The following DNAJC24 variants were observed in gnomAD, a reference collection of about 807,000 sequenced individuals.
The protein encoded by DNAJC24 is dnaJ homolog subfamily C member 24.
Under a neutral mutation model 18.0 loss-of-function variants are expected in DNAJC24, and 17 were observed. That is an observed-to-expected ratio of 0.94 (90% CI 0.65 to 1.42). DNAJC24 has a LOEUF of 1.42. Among genes scored for constraint, DNAJC24 ranks in the 40% most tolerant of loss-of-function variants. DNAJC24 has a pLI of 0.00. For synonymous variants in DNAJC24, 55 were observed against 57.7 expected (o/e 0.95, Z 0.21); for missense variants, 158 against 175.6 (o/e 0.90, Z 0.57).
intron 4 of DNAJC24, 169 bp downstream of exon 4, chr11:31,426,524 T>C (rs981475909): frequency 1.2e-4 from 61 of 491,102 alleles, no homozygotes; most frequent in South Asian, 2.6e-4. Flanking sequence ...TTCTAAACTT[T>C]ATTTATTGAC....
In DNAJC24 at chr11:31,430,344, T is replaced by G; in HGVS notation, c.393T>G (p.Val131=). 1 of 1,611,198 alleles carries G rather than the reference T, an allele frequency of 6.2e-7. No homozygotes were observed. The highest frequency in any genetic ancestry group is 8.5e-7 in the Non-Finnish European group (1 of 1,177,942). The change falls in exon 5 of 5, where the codon GTT becomes GTG. Residue 131 remains valine (V), a synonymous_variant. Coordinates refer to ENST00000465995, the MANE Select transcript of DNAJC24 (RefSeq NM_181706.5). ...YSVSKDEAEE[V]SLISCDTCSL... is the part of the protein sequence containing the mutation. ...TTTCCAAGGATGAAGCGGAAGAAGT[T>G]AGCCTGATTTCTTGTGATACATGTT... is the stretch of plus-strand genomic sequence containing the variant.
In DNAJC24 at chr11:31,432,670, C is replaced by T; in HGVS notation, c.*2269C>T. The T allele has an allele frequency of 6.6e-6, 5 of 753,350 alleles. No individual in the cohort carries two copies. In the East Asian group the frequency reaches 1.0e-4, roughly 15 times the overall value. The allele number at this position is 753,350 out of a possible 1,614,324, so 46.7% of individuals were successfully genotyped here. On this transcript the variant is annotated 3_prime_UTR_variant, in exon 5 of 5. Coordinates refer to ENST00000465995, the MANE Select transcript of DNAJC24 (RefSeq NM_181706.5). ...GTCCCTTTTCTCTATGCCAGATAAA[C>T]ACTTTCTCCTTACTCATCAATCAAG...
At chr11:31,392,146 C>G (rs926321601) in intron 2 of DNAJC24, among the ~76,000 whole-genome samples, 9 of 151,884 alleles carry the variant, frequency 5.9e-5, no homozygotes, top group African/African-American at 2.2e-4. Flanking sequence ...GTTAATGGTT[C>G]CAAAAATAGA....
At chr11:31,388,689 G>A (rs977768625) in intron 2 of DNAJC24, among the ~76,000 whole-genome samples, 8 of 152,108 alleles carry the variant, frequency 5.3e-5, no homozygotes, top group Non-Finnish European at 7.4e-5. Context: ...AAAATTCACC[G>A]TTAACGATAA....
chr11:31,380,522 A>G (rs1385291600), intron 2 of DNAJC24, among the ~76,000 whole-genome samples: 3 of 152,210 alleles, frequency 2.0e-5, no homozygotes, highest in African/African-American at 7.2e-5. Flanking sequence ...GAAGGGATTA[A>G]TATCCCACTT....
chr11:31,379,510 A>G (rs892048606), intron 2 of DNAJC24, among the ~76,000 whole-genome samples: 1 of 152,250 alleles, frequency 6.6e-6, no homozygotes, highest in Admixed American at 6.5e-5. Flanking sequence ...TTTTTTTCTT[A>G]ATTTAACATA....
At chr11:31,410,890 G>T (rs1952701928) in intron 2 of DNAJC24, among the ~76,000 whole-genome samples, 1 of 151,918 alleles carries the variant, frequency 6.6e-6, no homozygotes, top group South Asian at 2.1e-4. Context: ...ATTTTGATAG[G>T]GATTGTATTA....
chr11:31,400,128 A>C (rs185293937), intron 2 of DNAJC24, among the ~76,000 whole-genome samples: 1 of 152,268 alleles, frequency 6.6e-6, no homozygotes, highest in African/African-American at 2.4e-5. Flanking sequence ...TCCATGGTGT[A>C]TATATGCCAC....
At chr11:31,397,240 T>C (rs560042384) in intron 2 of DNAJC24, among the ~76,000 whole-genome samples, 1 of 152,328 alleles carries the variant, frequency 6.6e-6, no homozygotes, top group South Asian at 2.1e-4. Context: ...GTCTGGCTTG[T>C]TGTAAGGTAG....
chr11:31,372,578 C>G (rs1226016209), intron 2 of DNAJC24, among the ~76,000 whole-genome samples: 1 of 135,760 alleles, frequency 7.4e-6, no homozygotes, highest in Non-Finnish European at 1.7e-5. Flanking sequence ...CTGGATCATT[C>G]TGGTTCTTGT....
chr11:31,378,226 A>G (rs1016458191), intron 2 of DNAJC24, among the ~76,000 whole-genome samples: 1 of 152,264 alleles, frequency 6.6e-6, no homozygotes, highest in Non-Finnish European at 1.5e-5. Flanking sequence ...GTTGTAAGTA[A>G]AAATCTGGAA....
At chr11:31,413,172 A>G (rs1298481378) in intron 2 of DNAJC24, among the ~76,000 whole-genome samples, 1 of 152,064 alleles carries the variant, frequency 6.6e-6, no homozygotes, top group Non-Finnish European at 1.5e-5. Context: ...GAGTCATGAA[A>G]TGTGCACATG....
rs956349668 is a variant in DNAJC24, at chr11:31,431,923, T to C, written c.*1522T>C. 7.2e-5 allele frequency: 11 copies of C among 152,346 alleles called. No homozygotes were observed. Among genetic ancestry groups the C allele is most frequent in the African/African-American group, 2.7e-4 (11 of 41,472 alleles). 9.4% of individuals were successfully genotyped at this position (152,346 alleles called of 1,614,324 possible). ...GCTGAAATGAACTTTTATAAAGTATTATTGACTATAGCCAACTACAGATGG... is the reference window on the plus strand; with the variant it reads ...GCTGAAATGAACTTTTATAAAGTATCATTGACTATAGCCAACTACAGATGG... On this transcript the variant is annotated 3_prime_UTR_variant, in exon 5 of 5. Transcript: ENST00000465995.
At chr11:31,412,101 T>C (rs1281384431) in intron 2 of DNAJC24, among the ~76,000 whole-genome samples, 2 of 152,088 alleles carry the variant, frequency 1.3e-5, no homozygotes, top group African/African-American at 4.8e-5. Flanking sequence ...GGGAAAGAGA[T>C]TGAATTGTAC....
chr11:31,411,358 A>G (rs1459178931), intron 2 of DNAJC24, among the ~76,000 whole-genome samples: 1 of 152,234 alleles, frequency 6.6e-6, no homozygotes, highest in African/African-American at 2.4e-5. Context: ...AATCATAAAT[A>G]TATTTGGACT....
At position 31,431,584 on chromosome 11, in the gene DNAJC24, G is replaced by C. The variant is rs1952924372; in HGVS notation, c.*1183G>C. On this transcript the variant is annotated 3_prime_UTR_variant, in exon 5 of 5. Transcript: ENST00000465995. ...CCCAGCACTTTGGGAGACTAAGGCAGGCGGATCACCTTTGGTCAGGAGTTC... is the reference window on the plus strand; with the variant it reads ...CCCAGCACTTTGGGAGACTAAGGCACGCGGATCACCTTTGGTCAGGAGTTC... The C allele has an allele frequency of 6.6e-6, 1 of 151,450 alleles. No individual in the cohort carries two copies. Among genetic ancestry groups the C allele is most frequent in the South Asian group, 2.1e-4 (1 of 4,778 alleles). 9.4% of individuals were successfully genotyped at this position (151,450 alleles called of 1,614,324 possible).
Position 31,432,658 on chromosome 11 carries a change from A to T in DNAJC24, c.*2257A>T, listed in dbSNP as rs987126611. ...CTTTTGCTATCTGTCCCTTTTCTCT[A>T]TGCCAGATAAACACTTTCTCCTTAC... On this transcript the variant is annotated 3_prime_UTR_variant, in exon 5 of 5. Coordinates refer to ENST00000465995, the MANE Select transcript of DNAJC24 (RefSeq NM_181706.5). 3 of 841,226 alleles carry T rather than the reference A, an allele frequency of 3.6e-6. No individual in the cohort carries two copies. Among genetic ancestry groups the T allele is most frequent in the Non-Finnish European group, 6.1e-6 (3 of 494,218 alleles). 52.1% of individuals were successfully genotyped at this position (841,226 alleles called of 1,614,324 possible).
At chr11:31,422,750 T>A (rs984546330) in intron 3 of DNAJC24, among the ~76,000 whole-genome samples, 4 of 152,118 alleles carry the variant, frequency 2.6e-5, no homozygotes, top group Admixed American at 6.5e-5. Context: ...TTAAGTTTTT[T>A]AATTATAACC....
In DNAJC24 at chr11:31,430,398, C is replaced by G. The variant is rs1202897621; in HGVS notation, c.447C>G (p.Asn149Lys). The G allele has an allele frequency of 1.9e-6, 3 of 1,600,684 alleles. No homozygotes were observed. The African/African-American group carries it at 4.0e-5, about 21-fold the overall frequency. ...TAATTATAGAACTCCTTCATTATAA[C>G]TAAAATTGTTCACAACTTGAAATGC... ...CSLIIELLHY[N>K] Residue 149 changes from asparagine to lysine, a missense_variant, in exon 5 of 5, where the codon AAC (asparagine) becomes AAG (lysine). Asn to Lys is a moderately conservative substitution (Grantham distance 94, BLOSUM62 0). Transcript: ENST00000465995.
Sources: gnomAD v4.1 joint callset for allele counts (sites outside exome capture counted in the v4.1 genomes callset) on GRCh38, gnomAD v4.1.1 for gene constraint, MANE v1.5 for transcripts, NCBI Gene and HGNC (gene_info 2026-07-23, HGNC 2026-07-21) for gene names.